Variants in CFAP54 observed in about 807,000 individuals in gnomAD.
CFAP54 encodes cilia and flagella associated protein 54.
In CFAP54, 290 loss-of-function variants were observed where a neutral mutation model predicts 370.4. The observed-to-expected ratio is 0.78, with a 90% CI of 0.71 to 0.86. CFAP54 has a LOEUF of 0.86. Ranked by LOEUF, CFAP54 falls within the 40% of genes least tolerant of loss-of-function variation. The pLI is 0.00. For synonymous variants in CFAP54, 1,206 were observed against 1,236.5 expected (o/e 0.98, Z 0.52); for missense variants, 3,399 against 3,528.7 (o/e 0.96, Z 0.93).
chr12:96,659,482 A>G (rs1278995898), intron 38 of CFAP54, among the ~76,000 whole-genome samples: 1 of 152,214 alleles, frequency 6.6e-6, no homozygotes, highest in Admixed American at 6.5e-5. Flanking sequence ...TTCTTTTAAA[A>G]TAAGAAGAAA....
chr12:96,750,480 CTT>C (rs1263772146), intron 55 of CFAP54, among the ~76,000 whole-genome samples: 4 of 152,202 alleles, frequency 2.6e-5, no homozygotes, highest in African/African-American at 4.8e-5. Context: ...AATTTTATAA[CTT>C]GACATAAATT....
intron 58 of CFAP54, among the ~76,000 whole-genome samples, chr12:96,760,447 A>AC (rs1387612578): frequency 2.6e-5 from 4 of 152,042 alleles, no homozygotes; most frequent in African/African-American, 9.7e-5. Flanking sequence ...TCCTGTTCCC[A>AC]CCCCTAGTCC....
chr12:96,764,113 C>T (rs1336490793), intron 58 of CFAP54, 38 bp from the exon 59 acceptor site: 1 of 1,419,774 alleles, frequency 7.0e-7, no homozygotes, highest in Non-Finnish European at 9.9e-7. Context: ...AGAGTTATCA[C>T]AAAACTTTAT....
intron 67 of CFAP54, among the ~76,000 whole-genome samples, chr12:96,873,138 T>A (rs1960208427): frequency 6.6e-6 from 1 of 152,172 alleles, no homozygotes; most frequent in Admixed American, 6.5e-5. Context: ...GTTGAAAAGT[T>A]GCATGCATCA....
At chr12:96,643,265 A>G (rs909363952) in intron 32 of CFAP54, among the ~76,000 whole-genome samples, 1 of 152,210 alleles carries the variant, frequency 6.6e-6, no homozygotes, top group Admixed American at 6.6e-5. Flanking sequence ...CATATTTAGA[A>G]CTGAGTGATA....
chr12:96,706,952 GA>G (rs1957553480), intron 47 of CFAP54, among the ~76,000 whole-genome samples: 1 of 152,098 alleles, frequency 6.6e-6, no homozygotes, highest in African/African-American at 2.4e-5. Context: ...GAGCTACAGC[GA>G]AAAAGTTGTG....
intron 32 of CFAP54, among the ~76,000 whole-genome samples, chr12:96,635,385 T>C (rs1956653293): frequency 1.3e-5 from 2 of 152,242 alleles, no homozygotes; most frequent in African/African-American, 4.8e-5. Context: ...AACTACATTA[T>C]TACATAAATG....
Position 96,685,060 on chromosome 12 carries a change from G to A in CFAP54, c.5836G>A (p.Asp1946Asn). The A allele has an allele frequency of 6.2e-7, 1 of 1,614,032 alleles. No homozygotes were observed. The highest frequency in any genetic ancestry group is 2.2e-5 in the East Asian group (1 of 44,864). ...TTTTAAGTGTTGGTGTCAAGCTCTT[G>A]ATGACATATTCAGAAAACCAGACGT... ...AAFKCWCQALDDIFRKPDVLH... is the reference protein window; with the variant it reads ...AAFKCWCQALNDIFRKPDVLH... The change falls in exon 42 of 68, where the codon GAT becomes AAT. Residue 1946 changes from aspartate to asparagine, a missense_variant. By Grantham distance (23) the Asp-to-Asn change is conservative. Transcript: ENST00000524981.
intron 55 of CFAP54, among the ~76,000 whole-genome samples, chr12:96,750,680 A>C (rs1242698652): frequency 6.6e-6 from 1 of 152,162 alleles, no homozygotes; most frequent in Non-Finnish European, 1.5e-5. Context: ...AATTGTACAG[A>C]TTGTGTTAAA....
intron 63 of CFAP54, among the ~76,000 whole-genome samples, chr12:96,801,650 T>C (rs1270250706): frequency 1.3e-5 from 2 of 152,172 alleles, no homozygotes; most frequent in African/African-American, 4.8e-5. Context: ...CTTTTTAGGA[T>C]CCAGCATTCC....
At position 96,720,512 on chromosome 12, in the gene CFAP54, G is replaced by C; in HGVS notation, c.6912G>C (p.Glu2304Asp). 1.3e-6 allele frequency: 2 copies of C among 1,595,512 alleles called. No individual in the cohort carries two copies. The highest frequency in any genetic ancestry group is 1.7e-6 in the Non-Finnish European group (2 of 1,168,920). ...CSAGELEIVV[E>D]ARLQLAAVAL... ...CTGGCGAGCTGGAGATTGTGGTGGA[G>C]GCCCGGCTTCAGCTGGCTGCAGTTG... Residue 2304 changes from glutamate (E) to aspartate (D), a missense_variant, in exon 50 of 68, where the codon GAG (glutamate) becomes GAC (aspartate). By Grantham distance (45) the Glu-to-Asp change is conservative. Around this residue, in one of 3 missense-constraint regions of CFAP54, gnomAD observed 2,796 missense variants for 2,869.7 expected, o/e 0.97. Transcript: ENST00000524981.
At chr12:96,826,837 CAT>C (rs548519321) in intron 65 of CFAP54, among the ~76,000 whole-genome samples, 1,279 of 107,484 alleles carry the variant, frequency 0.012, 25 homozygotes, top group African/African-American at 0.044. Flanking sequence ...TATAATATAT[CAT>C]ATAATATTAT....
intron 48 of CFAP54, among the ~76,000 whole-genome samples, chr12:96,717,948 C>T (rs1957704006): frequency 6.6e-6 from 1 of 152,116 alleles, no homozygotes; most frequent in Non-Finnish European, 1.5e-5. Context: ...ACATTAGGGA[C>T]TATTTGATAC....
In CFAP54 at chr12:96,550,410, T is replaced by A. The variant is rs555499063; in HGVS notation, c.2154+2432T>A. On this transcript the variant is annotated intron_variant, in intron 15 of 67. Coordinates refer to ENST00000524981, the MANE Select transcript of CFAP54 (RefSeq NM_001306084.2). Reference sequence around the variant, plus strand: ...TGGCCAACATGGCAAAACCCTGTCTTTACTAAAAACACAAAAATTAGCCAG... The same window carrying A: ...TGGCCAACATGGCAAAACCCTGTCTATACTAAAAACACAAAAATTAGCCAG... Among the ~76,000 whole-genome samples, 8 of 151,984 alleles carry A rather than the reference T, an allele frequency of 5.3e-5. No homozygotes were observed. In the South Asian group the frequency reaches 1.7e-3, roughly 32 times the overall value.
chr12:96,613,944 G>A (rs1042846443), intron 26 of CFAP54, among the ~76,000 whole-genome samples: 2 of 152,152 alleles, frequency 1.3e-5, no homozygotes, highest in Non-Finnish European at 2.9e-5. Context: ...ACAAGGAGGA[G>A]CGGGTACCAT....
intron 19 of CFAP54, among the ~76,000 whole-genome samples, chr12:96,567,383 G>A (rs139752846): frequency 6.6e-6 from 1 of 152,304 alleles, no homozygotes; most frequent in Non-Finnish European, 1.5e-5. Context: ...AATGTTCAAG[G>A]TGAGGAAGTC....
At chr12:96,775,629 A>G (rs546839747) in intron 60 of CFAP54, among the ~76,000 whole-genome samples, 3 of 152,322 alleles carry the variant, frequency 2.0e-5, no homozygotes, top group African/African-American at 7.2e-5. Flanking sequence ...CAAGGCGAAC[A>G]GAGGTCCTCT....
intron 63 of CFAP54, among the ~76,000 whole-genome samples, chr12:96,805,241 T>A (rs1031424176): frequency 8.6e-5 from 13 of 151,866 alleles, no homozygotes; most frequent in African/African-American, 3.1e-4. Context: ...AATAGACAAG[T>A]GGGACTTAAT....
chr12:96,592,713 T>C, intron 24 of CFAP54, 76 bp downstream of exon 24: 2 of 463,092 alleles, frequency 4.3e-6, no homozygotes, highest in Non-Finnish European at 7.1e-6. Context: ...TCATGTTTTT[T>C]GAGTGATTGC....
Sources: gnomAD v4.1 joint callset for allele counts (sites outside exome capture counted in the v4.1 genomes callset) on GRCh38, gnomAD v4.1.1 for gene constraint, gnomAD v4.1.1 regional missense constraint, MANE v1.5 for transcripts, NCBI Gene and HGNC (gene_info 2026-07-23, HGNC 2026-07-21) for gene names.